The following XCR1 variants were observed in gnomAD, a reference collection of about 807,000 sequenced individuals.
XCR1 encodes X-C motif chemokine receptor 1, also known as chemokine XC receptor 1.
For missense variants in XCR1, 356 were observed against 424.2 expected (o/e 0.84, Z 1.41); for synonymous variants, 187 against 188.5 (o/e 0.99, Z 0.06).
At chr3:46,056,201 C>T (rs567603861) in intron 4 of XCR1, among the ~76,000 whole-genome samples, 29 of 152,230 alleles carry the variant, frequency 1.9e-4, no homozygotes, top group South Asian at 6.2e-4. Flanking sequence ...TTCAAGAGTT[C>T]GTTTTTTTTC....
chr3:46,076,055 AAG>A (rs1698254645), intron 2 of XCR1, among the ~76,000 whole-genome samples: 2 of 152,204 alleles, frequency 1.3e-5, no homozygotes, highest in Non-Finnish European at 1.5e-5. Flanking sequence ...CTCCAGGAAA[AAG>A]AGCCAACAGG....
intron 5 of XCR1, among the ~76,000 whole-genome samples, chr3:46,047,163 T>C (rs940008404): frequency 6.6e-6 from 1 of 152,194 alleles, no homozygotes; most frequent in African/African-American, 2.4e-5. Flanking sequence ...AATAGAATTA[T>C]GCAAAGCTAC....
intron 1 of XCR1, among the ~76,000 whole-genome samples, chr3:46,083,972 G>A (rs1293427536): frequency 6.6e-6 from 1 of 152,128 alleles, no homozygotes; most frequent in Non-Finnish European, 1.5e-5. Flanking sequence ...CTAATCCTAT[G>A]TGCATTATAT....
chr3:46,022,080 G>T, intron 1 of XCR1, 102 bp from the exon 2 acceptor site: 3 of 1,048,898 alleles, frequency 2.9e-6, no homozygotes, highest in Non-Finnish European at 4.1e-6. Flanking sequence ...GGAGAGGATT[G>T]CTTGACCCCA....
intron 1 of XCR1, among the ~76,000 whole-genome samples, chr3:46,077,752 C>T (rs560709899): frequency 6.6e-6 from 1 of 152,302 alleles, no homozygotes; most frequent in Admixed American, 6.5e-5. Flanking sequence ...CCACTCCTTG[C>T]TCACTTTTTG....
chr3:46,033,578 A>G (rs1697346874), intron 5 of XCR1, among the ~76,000 whole-genome samples: 1 of 152,172 alleles, frequency 6.6e-6, no homozygotes. Context: ...GTAACTTTAT[A>G]TAAAGTCTTA....
At position 46,020,929 on chromosome 3, in the gene XCR1, G is replaced by C. The variant is rs1336081931; in HGVS notation, c.*17C>G. 6.2e-7 allele frequency: 1 copy of C among 1,604,116 alleles called. No homozygotes were observed. Among genetic ancestry groups the C allele is most frequent in the Non-Finnish European group, 8.5e-7 (1 of 1,174,852 alleles). On this transcript the variant is annotated 3_prime_UTR_variant, in exon 2 of 2. Transcript: ENST00000309285. ...TCCCTGTCCACCTGCACCTGCGCCT[G>C]CACCGCCACAGGCCCCTCAGTAGAA...
chr3:46,085,108 C>T (rs1285710390), intron 1 of XCR1, among the ~76,000 whole-genome samples: 7 of 151,378 alleles, frequency 4.6e-5, no homozygotes, highest in Non-Finnish European at 1.0e-4. Context: ...TTTAGGTGGA[C>T]AGCACTTGCA....
At chr3:46,030,701 C>T (rs771152572), upstream of XCR1, among the ~76,000 whole-genome samples, 11 of 152,208 alleles carry the variant, frequency 7.2e-5, no homozygotes, top group East Asian at 3.9e-4. Flanking sequence ...GAGGCATGAG[C>T]GGTGGTGGCA....
At chr3:46,052,111 G>A (rs1697758502) in intron 5 of XCR1, among the ~76,000 whole-genome samples, 1 of 152,184 alleles carries the variant, frequency 6.6e-6, no homozygotes, top group South Asian at 2.1e-4. Flanking sequence ...TGCCTTGCAA[G>A]TTAAGGCGGC....
intron 5 of XCR1, among the ~76,000 whole-genome samples, chr3:46,043,684 A>C (rs1575421200): frequency 6.7e-6 from 1 of 148,874 alleles, no homozygotes; most frequent in Non-Finnish European, 1.5e-5. Context: ...GGAGTTTGAG[A>C]CCAGCCTGGG....
intron 5 of XCR1, among the ~76,000 whole-genome samples, chr3:46,048,866 C>T (rs1187549175): frequency 6.6e-6 from 1 of 152,140 alleles, no homozygotes; most frequent in Non-Finnish European, 1.5e-5. Context: ...CACTTTTTGT[C>T]TTTTCAACAT....
intron 3 of XCR1, among the ~76,000 whole-genome samples, chr3:46,067,356 A>G (rs138977219): frequency 6.6e-6 from 1 of 152,138 alleles, no homozygotes; most frequent in African/African-American, 2.4e-5. Context: ...GCACTAGTGG[A>G]TATTCTGGGC....
chr3:46,031,017 G>T (rs1708384872), upstream of XCR1, among the ~76,000 whole-genome samples: 1 of 152,258 alleles, frequency 6.6e-6, no homozygotes, highest in African/African-American at 2.4e-5. Context: ...AACCACTGTG[G>T]GGAAAATGCG....
At chr3:46,080,878 C>T (rs1252469746) in intron 1 of XCR1, among the ~76,000 whole-genome samples, 2 of 152,190 alleles carry the variant, frequency 1.3e-5, no homozygotes, top group East Asian at 3.8e-4. Flanking sequence ...TTGTCCCAAA[C>T]ATAATCCTGG....
chr3:46,079,089 A>G (rs747308704), intron 1 of XCR1, among the ~76,000 whole-genome samples: 5 of 152,182 alleles, frequency 3.3e-5, no homozygotes, highest in Non-Finnish European at 5.9e-5. Flanking sequence ...CCACCCAAAC[A>G]CATCCTGGGC....
In XCR1 at chr3:46,043,717, T is replaced by TACACACACACACATACAC. The variant is rs1384220578; in HGVS notation, c.-32+10202_-32+10203insGTGTATGTGTGTGTGTGT. ...GGGCAACATAGTGAGACCTCATCTC[T>TACACACACACACATACAC]ACACACACACACACACACACACACA... On this transcript the variant is annotated intron_variant, in intron 5 of 5. Transcript: ENST00000683768. Among the ~76,000 whole-genome samples the TACACACACACACATACAC allele has an allele frequency of 7.8e-5, 11 of 141,578 alleles. 1 individual carries two copies. Among genetic ancestry groups the TACACACACACACATACAC allele is most frequent in the African/African-American group, 2.3e-4 (9 of 39,204 alleles). The allele number at this position is 141,578 out of a possible 152,430, so 92.9% of individuals were successfully genotyped here.
intron 5 of XCR1, among the ~76,000 whole-genome samples, chr3:46,047,996 C>G (rs900881737): frequency 1.3e-5 from 2 of 152,142 alleles, no homozygotes; most frequent in African/African-American, 4.8e-5. Flanking sequence ...GATTAGCACA[C>G]CAGTTACGTT....
intron 3 of XCR1, among the ~76,000 whole-genome samples, chr3:46,068,391 T>A (rs1243183429): frequency 6.6e-6 from 1 of 152,166 alleles, no homozygotes; most frequent in African/African-American, 2.4e-5. Context: ...TCTTGATATA[T>A]CTTTAGTTCC....
Sources: gnomAD v4.1 joint callset for allele counts (sites outside exome capture counted in the v4.1 genomes callset) on GRCh38, gnomAD v4.1.1 for gene constraint, MANE v1.5 for transcripts, NCBI Gene and HGNC (gene_info 2026-07-23, HGNC 2026-07-21) for gene names.